The following CALN1 variants were observed in gnomAD, a reference collection of about 807,000 sequenced individuals.
CALN1 encodes the protein calcium-binding protein 8.
In CALN1, 17 loss-of-function variants were observed where a neutral mutation model predicts 30.6. The observed-to-expected ratio is 0.56, with a 90% CI of 0.38 to 0.83. The LOEUF (loss-of-function observed/expected upper bound fraction) is 0.83, where lower values mean the gene tolerates loss of function less well. CALN1 is among the 40% of genes least tolerant of loss of function. The pLI is 0.00. For synonymous variants in CALN1, 156 were observed against 131.4 expected (o/e 1.19, Z -1.28); for missense variants, 291 against 354.9 (o/e 0.82, Z 1.45).
chr7:72,044,008 C>T (rs1314163004), intron 4 of CALN1, among the ~76,000 whole-genome samples: 1 of 152,124 alleles, frequency 6.6e-6, no homozygotes, highest in Non-Finnish European at 1.5e-5. Flanking sequence ...TTCACTATTA[C>T]AAGAACAGCA....
chr7:71,998,341 T>C (rs1463961300), intron 5 of CALN1, among the ~76,000 whole-genome samples: 1 of 152,152 alleles, frequency 6.6e-6, no homozygotes, highest in East Asian at 1.9e-4. Flanking sequence ...GCAATCTGGG[T>C]ACATACAATA....
chr7:71,910,265 G>A (rs1285430685), intron 5 of CALN1, among the ~76,000 whole-genome samples: 1 of 152,192 alleles, frequency 6.6e-6, no homozygotes, highest in Non-Finnish European at 1.5e-5. Flanking sequence ...GGTGGGGAAA[G>A]ATATGGAGAA....
At chr7:71,874,153 T>C (rs1792107081) in intron 5 of CALN1, among the ~76,000 whole-genome samples, 1 of 151,894 alleles carries the variant, frequency 6.6e-6, no homozygotes, top group Admixed American at 6.6e-5. Context: ...TGGGCACCTG[T>C]AGTACCAGCT....
intron 3 of CALN1, among the ~76,000 whole-genome samples, chr7:72,148,933 AAAAGAAGGAAGGAAGGAAGG>A (rs1478675291): frequency 1.3e-5 from 2 of 149,940 alleles, no homozygotes; most frequent in Admixed American, 6.7e-5. Flanking sequence ...AGAAAGAAAA[AAAAGAAGGAAGGAAGGAAGG>A]AAAGAAGGAA....
intron 5 of CALN1, among the ~76,000 whole-genome samples, chr7:71,981,210 C>G (rs1211135833): frequency 6.6e-6 from 1 of 152,152 alleles, no homozygotes; most frequent in Non-Finnish European, 1.5e-5. Context: ...AGGAACAAGT[C>G]TCAGGAGACA....
the CALN1 span, among the ~76,000 whole-genome samples, chr7:72,473,927 T>TAAAA: frequency 6.7e-5 from 9 of 135,044 alleles, no homozygotes; most frequent in South Asian, 2.4e-4. Context: ...AGACTCTGTT[T>TAAAA]AAAAAAAAAA....
chr7:72,449,344 C>T (rs542755639), upstream of CALN1, among the ~76,000 whole-genome samples: 5 of 152,244 alleles, frequency 3.3e-5, no homozygotes, highest in South Asian at 4.1e-4. Flanking sequence ...CCTCAGAGTC[C>T]GTGAGGGATG....
At chr7:72,217,066 G>A (rs1319175635) in intron 3 of CALN1, among the ~76,000 whole-genome samples, 1 of 152,168 alleles carries the variant, frequency 6.6e-6, no homozygotes, top group East Asian at 1.9e-4. Flanking sequence ...ATGTGTGAAT[G>A]TGACAAGATG....
At chr7:72,338,123 C>T (rs1802185915) in intron 2 of CALN1, among the ~76,000 whole-genome samples, 1 of 152,174 alleles carries the variant, frequency 6.6e-6, no homozygotes, top group Non-Finnish European at 1.5e-5. Flanking sequence ...CAGACTGTCC[C>T]GTAGACAGAT....
intron 4 of CALN1, among the ~76,000 whole-genome samples, chr7:72,098,571 G>A (rs1158456472): frequency 6.6e-6 from 1 of 151,866 alleles, no homozygotes; most frequent in Non-Finnish European, 1.5e-5. Context: ...AGCTGGGTGG[G>A]GTTGCACACA....
chr7:71,968,052 G>A (rs976980148), intron 5 of CALN1, among the ~76,000 whole-genome samples: 1 of 152,058 alleles, frequency 6.6e-6, no homozygotes, highest in African/African-American at 2.4e-5. Flanking sequence ...TGAGAGAAAT[G>A]AAAATATATG....
At chr7:71,802,460 G>A (rs758223741) in intron 6 of CALN1, among the ~76,000 whole-genome samples, 7 of 152,108 alleles carry the variant, frequency 4.6e-5, no homozygotes, top group Admixed American at 1.3e-4. Flanking sequence ...GGGGATATGG[G>A]CTTGGTAAGT....
intron 5 of CALN1, among the ~76,000 whole-genome samples, chr7:71,909,252 G>T (rs1794301794): frequency 6.6e-6 from 1 of 152,232 alleles, no homozygotes; most frequent in Non-Finnish European, 1.5e-5. Context: ...GCCTCCGGAA[G>T]TGCTGGTATT....
intron 2 of CALN1, among the ~76,000 whole-genome samples, chr7:72,394,172 C>T (rs535327472): frequency 5.3e-5 from 8 of 152,290 alleles, no homozygotes; most frequent in Admixed American, 4.6e-4. Flanking sequence ...TCTCTTGATC[C>T]TGCACCCTCT....
intron 2 of CALN1, among the ~76,000 whole-genome samples, chr7:72,385,489 A>G (rs1354608129): frequency 6.6e-6 from 1 of 152,224 alleles, no homozygotes; most frequent in African/African-American, 2.4e-5. Context: ...CCATATTGAT[A>G]TGGTTTGGCT....
At chr7:72,493,683 C>CT in the CALN1 span, among the ~76,000 whole-genome samples, 327 of 152,300 alleles carry the variant, frequency 2.1e-3, no homozygotes, top group African/African-American at 7.6e-3. Flanking sequence ...TTTTCTAGAT[C>CT]TTGAAGCCCT....
At chr7:72,284,911 G>A (rs1797983027) in intron 2 of CALN1, among the ~76,000 whole-genome samples, 1 of 152,120 alleles carries the variant, frequency 6.6e-6, no homozygotes. Context: ...TTTCTTTGGA[G>A]AACCCACATT....
intron 3 of CALN1, among the ~76,000 whole-genome samples, chr7:72,163,649 G>A (rs1002451226): frequency 6.6e-6 from 1 of 152,100 alleles, no homozygotes; most frequent in African/African-American, 2.4e-5. Context: ...GTAATAAAAA[G>A]TTCACTGGAT....
At chr7:72,463,700 C>A in the CALN1 span, among the ~76,000 whole-genome samples, 21 of 152,158 alleles carry the variant, frequency 1.4e-4, no homozygotes, top group African/African-American at 4.1e-4. Flanking sequence ...GCTGGGACCA[C>A]AGGCAAGCAT....
Sources: allele counts gnomAD v4.1 joint callset (sites outside exome capture counted in the v4.1 genomes callset), GRCh38; gene constraint gnomAD v4.1.1; transcripts MANE v1.5; gene names NCBI Gene and HGNC (gene_info 2026-07-23, HGNC 2026-07-21).